Variants in CDH3 observed in about 807,000 individuals in gnomAD.
The protein encoded by CDH3 is cadherin-3.
CDH3 carries 54 observed loss-of-function variants against 82.0 expected under a neutral mutation model. The observed-to-expected ratio is 0.66, with a 90% confidence interval of 0.53 to 0.83. The LOEUF is 0.83. Ranked by LOEUF, CDH3 falls within the 40% of genes least tolerant of loss-of-function variation. CDH3 has a pLI of 0.00. For synonymous variants in CDH3, 446 were observed against 437.9 expected, an observed-to-expected ratio of 1.02 and a Z score of -0.23; for missense variants, 1,054 against 1,084.6, an observed-to-expected ratio of 0.97 and a Z score of 0.40.
intron 12 of CDH3, among the ~76,000 whole-genome samples, chr16:68,691,248 C>G (rs1752552449): frequency 6.6e-6 from 1 of 152,094 alleles, no homozygotes; most frequent in African/African-American, 2.4e-5. Context: ...TCGTGATCTG[C>G]CCACTTCGGC....
At chr16:68,661,091 A>G (rs1171421822) in intron 2 of CDH3, among the ~76,000 whole-genome samples, 3 of 152,170 alleles carry the variant, frequency 2.0e-5, no homozygotes, top group African/African-American at 7.2e-5. Context: ...GATGCTTACA[A>G]TTCACTACTC....
At chr16:68,716,004 C>T (rs536337022) in intron 1 of CDH3, among the ~76,000 whole-genome samples, 1 of 152,356 alleles carries the variant, frequency 6.6e-6, no homozygotes, top group Admixed American at 6.5e-5. Flanking sequence ...CACTGTGGCT[C>T]ATGCCTGTAA....
At chr16:68,710,238 C>T (rs954670260) in intron 1 of CDH3, among the ~76,000 whole-genome samples, 3 of 152,230 alleles carry the variant, frequency 2.0e-5, no homozygotes, top group African/African-American at 7.2e-5. Context: ...TCTTCCATGG[C>T]TCCAACACTC....
At chr16:68,683,771 T>C (rs1401502960) in intron 9 of CDH3, among the ~76,000 whole-genome samples, 1 of 140,344 alleles carries the variant, frequency 7.1e-6, no homozygotes, top group African/African-American at 2.7e-5. Flanking sequence ...GCTAAAAGTA[T>C]AAAAAATTCG....
chr16:68,724,629 TAA>T (rs11322339), intron 2 of CDH3, among the ~76,000 whole-genome samples: 223 of 146,256 alleles, frequency 1.5e-3, no homozygotes, highest in Non-Finnish European at 1.6e-3. Flanking sequence ...CCCTATTATT[TAA>T]AAAAAAAAAA....
intron 2 of CDH3, among the ~76,000 whole-genome samples, chr16:68,658,758 T>C (rs576286620): frequency 1.1e-3 from 169 of 152,290 alleles, no homozygotes; most frequent in Non-Finnish European, 2.1e-3. Flanking sequence ...ATGGTCTTTT[T>C]CCGCTTCCAG....
At chr16:68,718,354 A>G (rs1962118118) in intron 1 of CDH3, among the ~76,000 whole-genome samples, 1 of 152,092 alleles carries the variant, frequency 6.6e-6, no homozygotes, top group African/African-American at 2.4e-5. Flanking sequence ...TGTTATAGCA[A>G]CGTAAAACAG....
At chr16:68,675,823 TG>T (rs1196904979) in intron 2 of CDH3, among the ~76,000 whole-genome samples, 1 of 142,698 alleles carries the variant, frequency 7.0e-6, no homozygotes, top group East Asian at 2.0e-4. Context: ...GAAAAAAAAG[TG>T]GGGGATAATA....
downstream of CDH3, among the ~76,000 whole-genome samples, chr16:68,727,997 G>C (rs1234261792): frequency 6.6e-6 from 1 of 152,100 alleles, no homozygotes; most frequent in Non-Finnish European, 1.5e-5. Flanking sequence ...GAGACAAGGC[G>C]TACTATAGTG....
rs367846410 is a variant in CDH3 at position 68,679,748 on chromosome 16, C to T, written c.692-51C>T. 420 of 957,516 alleles carry T rather than the reference C, an allele frequency of 4.4e-4. 1 individual carries two copies. Among genetic ancestry groups the T allele is most frequent in the Non-Finnish European group, 5.8e-4 (355 of 608,492 alleles). The allele number at this position is 957,516 out of a possible 1,614,324, so 59.3% of individuals were successfully genotyped here. A position where few individuals can be genotyped will look rare whatever the true frequency, so the allele number is the denominator to read the frequency against. On this transcript the variant is annotated intron_variant, in intron 6 of 15. Transcript: ENST00000264012. ...AGAAAAAAAGAGTTCCAGAAGTAGA[C>T]AGGGCTGGAGTTGGAACTGGGAGGA...
chr16:68,706,699 CACA>C (rs1237995377), intron 1 of CDH3, among the ~76,000 whole-genome samples: 1 of 151,894 alleles, frequency 6.6e-6, no homozygotes, highest in Admixed American at 6.6e-5. Context: ...ACTACAGGTG[CACA>C]ACACCACACC....
At chr16:68,692,065 C>G (rs983449760) in intron 13 of CDH3, 139 bp downstream of exon 13, 2 of 647,544 alleles carry the variant, frequency 3.1e-6, no homozygotes, top group African/African-American at 1.8e-5. Context: ...AAGACAGGGT[C>G]TCACTCTGTC....
chr16:68,684,067 C>CA (rs33992366), intron 9 of CDH3, among the ~76,000 whole-genome samples: 52,479 of 119,664 alleles, frequency 0.44, 12,383 homozygotes, highest in African/African-American at 0.6. Context: ...ACTCCGTCTC[C>CA]AAAAAAAAAA....
chr16:68,662,008 T>A (rs1213034604), intron 2 of CDH3, among the ~76,000 whole-genome samples: 1 of 152,178 alleles, frequency 6.6e-6, no homozygotes. Flanking sequence ...ACTAAACATA[T>A]AATCACAAGT....
intron 1 of CDH3, among the ~76,000 whole-genome samples, chr16:68,710,122 A>C (rs1962008837): frequency 1.3e-5 from 2 of 152,338 alleles, no homozygotes; most frequent in South Asian, 2.1e-4. Context: ...GGCGGGAAGG[A>C]GGGGAAGTGG....
intron 3 of CDH3, 142 bp downstream of exon 3, chr16:68,676,612 C>G: frequency 2.8e-6 from 2 of 714,410 alleles, no homozygotes; most frequent in South Asian, 1.5e-5. Flanking sequence ...CCTCAGCTGT[C>G]CACAGCTTGG....
intron 1 of CDH3, among the ~76,000 whole-genome samples, chr16:68,706,472 G>C (rs1961965322): frequency 6.6e-6 from 1 of 151,394 alleles, no homozygotes; most frequent in Non-Finnish European, 1.5e-5. Flanking sequence ...CACCTGGGCT[G>C]TGCTGGCTGC....
chr16:68,697,913 A>G (rs1471988287), intron 15 of CDH3, among the ~76,000 whole-genome samples: 2 of 151,992 alleles, frequency 1.3e-5, no homozygotes, highest in Non-Finnish European at 2.9e-5. Flanking sequence ...TGGTTAAGGG[A>G]CTCGCCCAAG....
At chr16:68,701,195 C>T (rs896060105), downstream of CDH3, among the ~76,000 whole-genome samples, 1 of 152,078 alleles carries the variant, frequency 6.6e-6, no homozygotes, top group East Asian at 1.9e-4. Context: ...CAACTGGCCT[C>T]GGTGGATGGA....
Sources: allele counts gnomAD v4.1 joint callset (sites outside exome capture counted in the v4.1 genomes callset), GRCh38; gene constraint gnomAD v4.1.1; transcripts MANE v1.5; gene names NCBI Gene and HGNC (gene_info 2026-07-23, HGNC 2026-07-21).